SERPINI1: variants seen among roughly 807,000 people sequenced by gnomAD.
SERPINI1 encodes the protein neuroserpin.
A neutral mutation model predicts 41.1 loss-of-function variants in SERPINI1; 19 were observed. That is an observed-to-expected ratio of 0.46 (90% confidence interval 0.32 to 0.68). The LOEUF (loss-of-function observed/expected upper bound fraction) is 0.68, where lower values mean the gene tolerates loss of function less well. SERPINI1 is among the 30% of genes least tolerant of loss of function. The pLI, the probability that SERPINI1 is intolerant of heterozygous loss-of-function variation, is 0.03. For synonymous variants in SERPINI1, 138 were observed against 156.6 expected, an observed-to-expected ratio of 0.88 and a Z score of 0.89; for missense variants, 460 against 479.2, an observed-to-expected ratio of 0.96 and a Z score of 0.37.
At chr3:167,817,195 T>C (rs1245280389) in intron 6 of SERPINI1, among the ~76,000 whole-genome samples, 1 of 152,208 alleles carries the variant, frequency 6.6e-6, no homozygotes, top group Non-Finnish European at 1.5e-5. Context: ...CACTGTAACA[T>C]CCATTGAAAT....
At chr3:167,821,609 G>A (rs1577437513) in intron 6 of SERPINI1, among the ~76,000 whole-genome samples, 1 of 152,108 alleles carries the variant, frequency 6.6e-6, no homozygotes, top group Non-Finnish European at 1.5e-5. Flanking sequence ...TGTGGGATCC[G>A]GGCTGGTAGC....
rs1271511087 is a variant in SERPINI1 at position 167,825,357 on chromosome 3, C to A, written c.*34C>A. On this transcript the variant is annotated 3_prime_UTR_variant, in exon 9 of 9. Transcript: ENST00000446050. The stretch of plus-strand genomic sequence containing the variant: ...ATTTGAATAACAAGGAAAACAGTAA[C>A]TAAGCACATTATGTTTGCAACTGGT... 31 of 1,335,252 alleles carry A rather than the reference C, an allele frequency of 2.3e-5. No individual in the cohort carries two copies. Among genetic ancestry groups the A allele is most frequent in the Non-Finnish European group, 3.1e-5 (29 of 925,680 alleles). 82.7% of individuals were successfully genotyped at this position (1,335,252 alleles called of 1,614,324 possible). A position where few individuals can be genotyped will look rare whatever the true frequency, so the allele number is the denominator to read the frequency against.
At chr3:167,807,130 C>A in intron 5 of SERPINI1, 114 bp from the exon 6 acceptor site, 1 of 752,456 alleles carries the variant, frequency 1.3e-6, no homozygotes, top group Non-Finnish European at 2.3e-6. Flanking sequence ...CCAGTTTTAG[C>A]ATAATTTACT....
chr3:167,746,440 T>C (rs1313491675), intron 1 of SERPINI1, among the ~76,000 whole-genome samples: 1 of 152,162 alleles, frequency 6.6e-6, no homozygotes, highest in Non-Finnish European at 1.5e-5. Context: ...CTTAAAACTT[T>C]TGTGTTTCAA....
chr3:167,750,067 TTTG>T (rs1306105442), intron 1 of SERPINI1, among the ~76,000 whole-genome samples: 1 of 152,216 alleles, frequency 6.6e-6, no homozygotes, highest in African/African-American at 2.4e-5. Context: ...AATTATATAT[TTTG>T]TTAAAGTTTC....
rs780104028 is a variant in SERPINI1 at position 167,792,582 on chromosome 3, CT to C, written c.482-7del. The stretch of plus-strand genomic sequence containing the variant: ...TGAATTTTTATCTATTCATTTTTTC[CT>C]AAATAGATCTGGTGAAAGATTTGGT... On this transcript the variant is annotated splice_polypyrimidine_tract_variant and splice_region_variant and intron_variant, in intron 3 of 8. Transcript: ENST00000446050. 52 of 1,610,452 alleles carry C rather than the reference CT, an allele frequency of 3.2e-5. No homozygotes were observed. The highest frequency in any genetic ancestry group is 4.0e-5 in the African/African-American group (3 of 74,706).
At chr3:167,756,319 C>G (rs568498186) in intron 1 of SERPINI1, among the ~76,000 whole-genome samples, 43 of 152,192 alleles carry the variant, frequency 2.8e-4, no homozygotes, top group Middle Eastern at 3.4e-3. Context: ...TTTTTTGAGA[C>G]AATGTCTCAC....
chr3:167,794,784 A>C lies in SERPINI1; in HGVS notation c.841A>C (p.Asn281His), dbSNP rs151212615. 6 of 1,613,480 alleles carry C rather than the reference A, an allele frequency of 3.7e-6. No homozygotes were observed. Among genetic ancestry groups the C allele is most frequent in the Non-Finnish European group, 5.1e-6 (6 of 1,179,792 alleles). The change falls in exon 5 of 9, where the codon AAC (asparagine) becomes CAC (histidine). Residue 281 changes from asparagine (N) to histidine (H), a missense_variant. By Grantham distance (68) the Asn-to-His change is moderately conservative (BLOSUM62 1). Coordinates refer to ENST00000446050, the MANE Select transcript of SERPINI1 (RefSeq NM_001122752.2). Reference protein sequence around the residue: ...VKAQLVEEWANSVKKQKVEVY... With the variant: ...VKAQLVEEWAHSVKKQKVEVY... The stretch of plus-strand genomic sequence containing the variant: ...AGCACAGCTGGTTGAAGAATGGGCA[A>C]ACTCTGTGAAGAAGCAAAAAGTAGA...
At chr3:167,747,345 C>T (rs1039550306) in intron 1 of SERPINI1, among the ~76,000 whole-genome samples, 4 of 152,012 alleles carry the variant, frequency 2.6e-5, no homozygotes, top group Admixed American at 2.6e-4. Context: ...TGATGAACTT[C>T]TTAAAAACCA....
intron 1 of SERPINI1, among the ~76,000 whole-genome samples, chr3:167,786,449 A>G (rs1293381401): frequency 1.4e-5 from 2 of 145,156 alleles, no homozygotes; most frequent in Non-Finnish European, 3.0e-5. Flanking sequence ...CGGAGGTTGC[A>G]GTGAGCCGAG....
intron 1 of SERPINI1, among the ~76,000 whole-genome samples, chr3:167,744,526 A>T (rs1048154457): frequency 1.5e-4 from 22 of 149,378 alleles, no homozygotes; most frequent in Non-Finnish European, 8.9e-5. Context: ...TAAGATTAAG[A>T]GCCAAATGAC....
At chr3:167,823,878 A>T (rs1419437130) in intron 7 of SERPINI1, among the ~76,000 whole-genome samples, 1 of 152,172 alleles carries the variant, frequency 6.6e-6, no homozygotes, top group Non-Finnish European at 1.5e-5. Context: ...ATACTGCAGC[A>T]AGTATATATC....
intron 4 of SERPINI1, 148 bp from the exon 5 acceptor site, chr3:167,794,472 A>C: frequency 1.8e-6 from 1 of 554,490 alleles, no homozygotes; most frequent in Middle Eastern, 4.9e-4. Context: ...GGTTACATGA[A>C]AAACTTCTTT....
chr3:167,809,780 A>G (rs977423586), intron 6 of SERPINI1, among the ~76,000 whole-genome samples: 1 of 152,310 alleles, frequency 6.6e-6, no homozygotes, highest in East Asian at 1.9e-4. Context: ...AGGGTAAAAA[A>G]GATGAGGGGA....
intron 5 of SERPINI1, among the ~76,000 whole-genome samples, chr3:167,802,916 G>A (rs555371877): frequency 1.3e-5 from 2 of 150,078 alleles, no homozygotes; most frequent in South Asian, 4.2e-4. Context: ...CGAAAATGTG[G>A]CACATATACA....
intron 1 of SERPINI1, among the ~76,000 whole-genome samples, chr3:167,784,132 CT>C (rs76091178): frequency 0.13 from 19,415 of 151,534 alleles, 1,493 homozygotes; most frequent in African/African-American, 0.21. Context: ...TCTAACATTG[CT>C]TTTTTTTTCT....
chr3:167,793,875 T>G (rs1397667515), intron 4 of SERPINI1, among the ~76,000 whole-genome samples: 7 of 151,090 alleles, frequency 4.6e-5, no homozygotes, highest in Non-Finnish European at 1.0e-4. Context: ...TGTGTGTTAA[T>G]TTGGCTAAGT....
At chr3:167,807,543 G>A (rs183810655) in intron 6 of SERPINI1, among the ~76,000 whole-genome samples, 14 of 152,222 alleles carry the variant, frequency 9.2e-5, no homozygotes, top group South Asian at 6.2e-4. Flanking sequence ...TATCTAGTTC[G>A]TATCATATCT....
At chr3:167,817,332 T>A (rs34150442) in intron 6 of SERPINI1, among the ~76,000 whole-genome samples, 46,167 of 151,988 alleles carry the variant, frequency 0.3, 8,889 homozygotes, top group African/African-American at 0.55. Flanking sequence ...GTTTTTTTCA[T>A]TTTTTACAGC....
Sources: gnomAD v4.1 joint callset for allele counts (sites outside exome capture counted in the v4.1 genomes callset) on GRCh38, gnomAD v4.1.1 for gene constraint, MANE v1.5 for transcripts, NCBI Gene and HGNC (gene_info 2026-07-23, HGNC 2026-07-21) for gene names.